The following EFL1 variants were observed in gnomAD, a reference collection of about 807,000 sequenced individuals.
EFL1 encodes the protein elongation factor like GTPase 1.
A neutral mutation model predicts 126.7 loss-of-function variants in EFL1; 76 were observed. The ratio of observed to expected loss-of-function variants is 0.60; its 90% CI spans 0.50 to 0.73. The LOEUF is 0.73. Among genes scored for constraint, EFL1 ranks in the 30% least tolerant of loss-of-function variants. The probability of loss-of-function intolerance (pLI) is 0.00; values close to 1 mark genes in which losing one functional copy is unlikely to be tolerated. For synonymous variants in EFL1, 410 were observed against 448.4 expected (o/e 0.91, Z 1.08); for missense variants, 1,128 against 1,343.2 (o/e 0.84, Z 2.50).
chr15:82,154,518 A>G (rs1351549203), intron 17 of EFL1, among the ~76,000 whole-genome samples: 2 of 151,928 alleles, frequency 1.3e-5, no homozygotes, highest in Non-Finnish European at 2.9e-5. Flanking sequence ...GAAATGTAAT[A>G]GTCATATAGA....
chr15:82,220,601 AG>A (rs1424032733), intron 12 of EFL1, among the ~76,000 whole-genome samples: 1 of 152,228 alleles, frequency 6.6e-6, no homozygotes. Context: ...AACAAGCATA[AG>A]GCCTCAATAA....
rs1247110779 is a variant in EFL1 at position 82,207,301 on chromosome 15, T to TAC, written c.1750+7415_1750+7416insGT. 2.8e-3 allele frequency among the ~76,000 whole-genome samples: 352 copies of TAC among 123,586 alleles called. 3 individuals are homozygous for TAC. Among genetic ancestry groups the TAC allele is most frequent in the African/African-American group, 0.012 (335 of 27,220 alleles). 81.1% of individuals were successfully genotyped at this position (123,586 alleles called of 152,430 possible). On this transcript the variant is annotated intron_variant, in intron 15 of 19. Transcript: ENST00000268206. ...TTATGTGTGTGTATATATATATATA[T>TAC]ATATATACACACACACATATAACAT... is the stretch of plus-strand genomic sequence containing the variant.
At chr15:82,140,885 T>A (rs2073779394) in intron 18 of EFL1, among the ~76,000 whole-genome samples, 1 of 152,218 alleles carries the variant, frequency 6.6e-6, no homozygotes, top group Non-Finnish European at 1.5e-5. Context: ...CCTTGTATAC[T>A]CTAAAACTCA....
At chr15:82,163,703 G>A (rs1304845169) in intron 16 of EFL1, 150 bp downstream of exon 16, 41 of 884,990 alleles carry the variant, frequency 4.6e-5, no homozygotes, top group Non-Finnish European at 6.3e-5. Context: ...ACAGAAGTTA[G>A]ATGCCCTTTG....
intron 12 of EFL1, among the ~76,000 whole-genome samples, chr15:82,222,799 C>G (rs1163124344): frequency 6.6e-6 from 1 of 152,162 alleles, no homozygotes; most frequent in Non-Finnish European, 1.5e-5. Flanking sequence ...GTTATTTAGG[C>G]TATAGTTAAA....
intron 12 of EFL1, 114 bp downstream of exon 12, chr15:82,225,051 T>C: frequency 1.5e-6 from 1 of 681,186 alleles, no homozygotes; most frequent in South Asian, 2.5e-5. Context: ...TTGATATGAA[T>C]TCTGGGTTGA....
chr15:82,165,008 G>C (rs2074064341), intron 15 of EFL1, among the ~76,000 whole-genome samples: 1 of 152,136 alleles, frequency 6.6e-6, no homozygotes, highest in South Asian at 2.1e-4. Context: ...CCAGTGCAGT[G>C]GCTCATGCCT....
At chr15:82,225,431 G>A (rs1034417239) in intron 11 of EFL1, among the ~76,000 whole-genome samples, 167 bp from the exon 12 acceptor site, 4 of 152,106 alleles carry the variant, frequency 2.6e-5, no homozygotes, top group Non-Finnish European at 5.9e-5. Flanking sequence ...ATTAGAAAAG[G>A]GTAAGATTGC....
At chr15:82,217,118 T>C (rs2074655772) in intron 14 of EFL1, among the ~76,000 whole-genome samples, 1 of 151,838 alleles carries the variant, frequency 6.6e-6, no homozygotes, top group Non-Finnish European at 1.5e-5. Context: ...CAAAATACCG[T>C]AATATACCCA....
intron 9 of EFL1, among the ~76,000 whole-genome samples, chr15:82,228,588 C>T (rs2074788902): frequency 6.6e-6 from 1 of 152,176 alleles, no homozygotes; most frequent in Non-Finnish European, 1.5e-5. Context: ...AGTGGTAAAG[C>T]AGTCTTACAA....
rs189104015 is a variant in EFL1, at chr15:82,232,132, C to T, written c.732-1161G>A. On this transcript the variant is annotated intron_variant, in intron 7 of 19. Transcript: ENST00000268206. ...TCCAAGGTCCACATATGGAAAGAAA[C>T]AATAGGAGGCAACCACTGTGGACTG... 2.0e-5 allele frequency among the ~76,000 whole-genome samples: 3 copies of T among 152,296 alleles called. No individual in the cohort carries two copies. In the East Asian group the frequency reaches 5.8e-4, roughly 29 times the overall value.
chr15:82,217,775 C>A (rs190298005), intron 14 of EFL1, among the ~76,000 whole-genome samples: 14 of 152,244 alleles, frequency 9.2e-5, no homozygotes, highest in Admixed American at 5.2e-4. Flanking sequence ...TGACTTGCTT[C>A]TTCTAACAAA....
Position 82,163,898 on chromosome 15 carries a change from C to T in EFL1, c.1837G>A (p.Glu613Lys), listed in dbSNP as rs765484880. The part of the protein sequence containing the change: ...SCPPFIPLNF[E>K]ATPIVRVAVE... ...GCAACTCTCACAATAGGAGTGGCTTCGAAGTTGAGTGGTATAAATGGTGGG... is the reference window on the plus strand; with the variant it reads ...GCAACTCTCACAATAGGAGTGGCTTTGAAGTTGAGTGGTATAAATGGTGGG... The change falls in exon 16 of 20, where the codon GAA becomes AAA. Residue 613 changes from glutamate (E) to lysine (K), a missense_variant. Physicochemically the swap from Glu to Lys is moderately conservative, Grantham distance 56. This residue lies in a region of EFL1 where 561 missense variants were observed against 641.7 expected (regional missense o/e 0.87). Coordinates refer to ENST00000268206, the MANE Select transcript of EFL1 (RefSeq NM_024580.6). The T allele has an allele frequency of 6.2e-6, 10 of 1,613,934 alleles. No homozygotes were observed. Among genetic ancestry groups the T allele is most frequent in the East Asian group, 2.2e-5 (1 of 44,890 alleles).
At chr15:82,239,957 G>A (rs1346218176) in intron 6 of EFL1, among the ~76,000 whole-genome samples, 1 of 152,048 alleles carries the variant, frequency 6.6e-6, no homozygotes. Flanking sequence ...CTACTATACT[G>A]TGAGCTCCTT....
rs1239668726 is a variant in EFL1, at chr15:82,130,529, A to C, written c.3207T>G (p.Thr1069=). Residue 1069 remains threonine (T), a synonymous_variant, in exon 20 of 20, where the codon ACT becomes ACG. Transcript: ENST00000268206. The part of the protein sequence containing the change: ...IIPSDPFWVP[T]TEEEYLHFGE... ...CAAAGTGCAAGTATTCCTCCTCAGT[A>C]GTTGGCACCCAGAAGGGGTCACTGG... The C allele has an allele frequency of 6.2e-7, 1 of 1,614,184 alleles. No individual in the cohort carries two copies. The highest frequency in any genetic ancestry group is 2.2e-5 in the East Asian group (1 of 44,890).
intron 15 of EFL1, among the ~76,000 whole-genome samples, chr15:82,202,195 T>C (rs1160864506): frequency 6.6e-6 from 1 of 152,204 alleles, no homozygotes; most frequent in Non-Finnish European, 1.5e-5. Context: ...ATTTCTTTTC[T>C]ACATATATTG....
intron 1 of EFL1, 79 bp from the exon 2 acceptor site, chr15:82,261,876 G>C: frequency 9.0e-7 from 1 of 1,112,752 alleles, no homozygotes; most frequent in Non-Finnish European, 1.3e-6. Flanking sequence ...TAAACGCTGG[G>C]AGGTGGCAAG....
At chr15:82,235,711 C>T (rs553052245) in intron 7 of EFL1, among the ~76,000 whole-genome samples, 2 of 152,090 alleles carry the variant, frequency 1.3e-5, no homozygotes, top group East Asian at 3.9e-4. Flanking sequence ...TGATAAAGGA[C>T]ATCTAAAAAC....
chr15:82,192,442 G>C (rs1382275670), intron 15 of EFL1, among the ~76,000 whole-genome samples: 1 of 150,868 alleles, frequency 6.6e-6, no homozygotes, highest in Non-Finnish European at 1.5e-5. Context: ...TAAGTAAAAT[G>C]AGGTGTTTTG....
Sources: gnomAD v4.1 joint callset for allele counts (sites outside exome capture counted in the v4.1 genomes callset) on GRCh38, gnomAD v4.1.1 for gene constraint, gnomAD v4.1.1 regional missense constraint, MANE v1.5 for transcripts, NCBI Gene and HGNC (gene_info 2026-07-23, HGNC 2026-07-21) for gene names.